The following NR1H3 variants were observed in gnomAD, a reference collection of about 807,000 sequenced individuals.
NR1H3 encodes nuclear receptor subfamily 1 group H member 3, also known as oxysterols receptor LXR-alpha.
In NR1H3, 19 loss-of-function variants were observed where a neutral mutation model predicts 48.1. The ratio of observed to expected loss-of-function variants is 0.40; its 90% CI spans 0.28 to 0.58. The LOEUF (loss-of-function observed/expected upper bound fraction) is 0.58, where lower values mean the gene tolerates loss of function less well. NR1H3 is among the 20% of genes least tolerant of loss of function. The pLI is 0.50. For synonymous variants in NR1H3, 232 were observed against 227.3 expected (o/e 1.02, Z -0.19); for missense variants, 486 against 595.9 (o/e 0.82, Z 1.92).
At chr11:47,256,858 G>A (rs1022942884), upstream of NR1H3, among the ~76,000 whole-genome samples, 20 of 151,128 alleles carry the variant, frequency 1.3e-4, no homozygotes, top group African/African-American at 4.6e-4. Context: ...AGCCTCCCGA[G>A]TAGCTGGAAC....
At chr11:47,263,737 G>A (rs1956170406) in intron 7 of NR1H3, among the ~76,000 whole-genome samples, 1 of 151,710 alleles carries the variant, frequency 6.6e-6, no homozygotes, top group African/African-American at 2.4e-5. Context: ...TGAGTAGCTG[G>A]GACTACAGGC....
chr11:47,263,121 G>T (rs1434218857), intron 7 of NR1H3, among the ~76,000 whole-genome samples: 1 of 151,530 alleles, frequency 6.6e-6, no homozygotes, highest in Non-Finnish European at 1.5e-5. Context: ...ATTATATATT[G>T]CACTGCTACA....
chr11:47,255,615 C>CTCTCTCTCTTTCTTTCTTTCTTTCTT (rs1554981334), upstream of NR1H3, among the ~76,000 whole-genome samples: 2 of 93,128 alleles, frequency 2.1e-5, no homozygotes, highest in African/African-American at 9.5e-5. Context: ...CTCTCTCTCT[C>CTCTCTCTCTTTCTTTCTTTCTTTCTT]TCTTTCTTTC....
chr11:47,253,874 G>A (rs1051328706), upstream of NR1H3, among the ~76,000 whole-genome samples: 1 of 152,174 alleles, frequency 6.6e-6, no homozygotes, highest in African/African-American at 2.4e-5. Context: ...GGGCTGGTGG[G>A]ACTGTGGCAC....
upstream of NR1H3, chr11:47,248,654 T>C: frequency 6.2e-7 from 1 of 1,600,050 alleles, no homozygotes; most frequent in Admixed American, 1.7e-5. Flanking sequence ...GGGAAGTCTT[T>C]GGTGAGCCCA....
At chr11:47,255,607 CTCTCTCTCTCTTTCTT>C (rs1158790211), upstream of NR1H3, among the ~76,000 whole-genome samples, 13 of 119,944 alleles carry the variant, frequency 1.1e-4, no homozygotes, top group South Asian at 6.0e-4. Flanking sequence ...CTCTCTCTCT[CTCTCTCTCTCTTTCTT>C]TCTTTCTTTC....
upstream of NR1H3, among the ~76,000 whole-genome samples, chr11:47,253,658 A>G (rs997017029): frequency 3.3e-5 from 5 of 152,232 alleles, no homozygotes; most frequent in Admixed American, 3.3e-4. Flanking sequence ...GTTAGCCAGT[A>G]CTACCTGTGA....
intron 1 of NR1H3, among the ~76,000 whole-genome samples, chr11:47,252,418 C>T (rs368256521): frequency 1.3e-5 from 2 of 152,110 alleles, no homozygotes; most frequent in Admixed American, 6.6e-5. Context: ...TGTGCCACCA[C>T]GCCTGGCTAA....
In NR1H3 at chr11:47,259,961, C is replaced by A; in HGVS notation, c.214C>A (p.Pro72Thr). The change falls in exon 3 of 10, where the codon CCC becomes ACC. Residue 72 changes from proline (P) to threonine (T), a missense_variant. Pro to Thr is a conservative substitution (Grantham distance 38). Transcript: ENST00000441012. ...EPTALLTRAE[P>T]PSEPTEIRPQ... ...CACAGCCCTGCTCACCAGGGCAGAG[C>A]CCCCTTCAGAACCCACAGGTGAGGA... The A allele has an allele frequency of 2.6e-6, 4 of 1,547,616 alleles. No individual in the cohort carries two copies. Among genetic ancestry groups the A allele is most frequent in the Non-Finnish European group, 3.5e-6 (4 of 1,149,452 alleles).
chr11:47,251,950 G>A (rs1954696246), intron 1 of NR1H3, among the ~76,000 whole-genome samples: 1 of 151,926 alleles, frequency 6.6e-6, no homozygotes, highest in Non-Finnish European at 1.5e-5. Flanking sequence ...GTAGATAGTA[G>A]AGCCTGAAGC....
At chr11:47,260,778 A>G in intron 4 of NR1H3, 103 bp downstream of exon 4, 1 of 1,382,792 alleles carries the variant, frequency 7.2e-7, no homozygotes. Flanking sequence ...ACTGATCCCT[A>G]AGTATGGATC....
chr11:47,260,732 G>A (rs891251541), intron 4 of NR1H3, 57 bp downstream of exon 4: 2 of 1,526,640 alleles, frequency 1.3e-6, no homozygotes, highest in Non-Finnish European at 1.8e-6. Flanking sequence ...GGGCCAGGGT[G>A]TGACCCAAAA....
At chr11:47,265,307 G>A (rs1956349950) in intron 7 of NR1H3, among the ~76,000 whole-genome samples, 1 of 151,942 alleles carries the variant, frequency 6.6e-6, no homozygotes, top group Non-Finnish European at 1.5e-5. Flanking sequence ...AAAGAAAAAA[G>A]AAAAAGAAAA....
At chr11:47,253,603 C>T (rs1486504138), upstream of NR1H3, among the ~76,000 whole-genome samples, 1 of 152,242 alleles carries the variant, frequency 6.6e-6, no homozygotes, top group East Asian at 1.9e-4. Context: ...TCCCTGCAGA[C>T]CTTACCCTGT....
chr11:47,255,595 T>TTCTTTCTTTCTTTCTC (rs1565178673), upstream of NR1H3, among the ~76,000 whole-genome samples: 10 of 61,392 alleles, frequency 1.6e-4, no homozygotes, highest in African/African-American at 6.9e-4. Flanking sequence ...CTTTCTTTCT[T>TTCTTTCTTTCTTTCTC]TCTCTCTCTC....
At chr11:47,248,970 G>A in exon 1 of NR1H3, 1 of 1,522,518 alleles carries the variant, frequency 6.6e-7, no homozygotes, top group Non-Finnish European at 8.8e-7. Flanking sequence ...GGAGGGTCGT[G>A]GTCTGGCTGT....
upstream of NR1H3, chr11:47,248,707 G>A (rs935566104): frequency 3.7e-6 from 6 of 1,611,996 alleles, no homozygotes; most frequent in Admixed American, 1.7e-5. Flanking sequence ...CCGGGCCCGG[G>A]TGGGCGGCAT....
rs373781078 is a variant in NR1H3 at position 47,268,281 on chromosome 11, C to A, written c.1123C>A (p.Gln375Lys). The change falls in exon 9 of 10, where the codon CAG (glutamine) becomes AAG (lysine). Residue 375 changes from glutamine to lysine, a missense_variant. Transcript: ENST00000441012. ...FSADRPNVQD[Q>K]LQVERLQHTY... ...TATAGACCGGCCCAACGTGCAGGAC[C>A]AGCTCCAGGTAGAGAGGCTGCAGCA... 5.0e-6 allele frequency: 8 copies of A among 1,613,982 alleles called. No individual in the cohort carries two copies. In the African/African-American group the frequency reaches 1.1e-4, roughly 22 times the overall value.
At chr11:47,258,877 C>T (rs1955499554) in intron 1 of NR1H3, 1 of 290,204 alleles carries the variant, frequency 3.4e-6, no homozygotes, top group African/African-American at 2.1e-5. Flanking sequence ...GAGGAAAGCA[C>T]ATAAAGCCTT....
Sources: gnomAD v4.1 joint callset for allele counts (sites outside exome capture counted in the v4.1 genomes callset) on GRCh38, gnomAD v4.1.1 for gene constraint, MANE v1.5 for transcripts, NCBI Gene and HGNC (gene_info 2026-07-23, HGNC 2026-07-21) for gene names.